The following BTBD9 variants were observed in gnomAD, a reference collection of about 807,000 sequenced individuals.
BTBD9 encodes the protein BTB/POZ domain-containing protein 9.
Under a neutral mutation model 64.3 loss-of-function variants are expected in BTBD9, and 49 were observed. The observed-to-expected ratio is 0.76, with a 90% confidence interval of 0.61 to 0.97. BTBD9 has a LOEUF of 0.97. Among genes scored for constraint, BTBD9 ranks in the 50% least tolerant of loss-of-function variants. The probability of loss-of-function intolerance (pLI) is 0.00; values close to 1 mark genes in which losing one functional copy is unlikely to be tolerated. For missense variants in BTBD9, 598 were observed against 762.1 expected, an observed-to-expected ratio of 0.78 and a Z score of 2.53; for synonymous variants, 260 against 274.7, an observed-to-expected ratio of 0.95 and a Z score of 0.53.
chr6:38,265,230 T>C lies in BTBD9; in HGVS notation c.1455-8714A>G, dbSNP rs181716597. 4.6e-5 allele frequency among the ~76,000 whole-genome samples: 7 copies of C among 152,224 alleles called. No individual in the cohort carries two copies. In the East Asian group the frequency reaches 5.8e-4, roughly 13 times the overall value. ...CAAAAATGTGAGGAGGTGGCAAGTA[T>C]ACATTTTGGCTCCACTGTGTAGGCT... On this transcript the variant is annotated intron_variant, in intron 8 of 10. Coordinates refer to ENST00000481247, the MANE Select transcript of BTBD9 (RefSeq NM_001099272.2).
intron 6 of BTBD9, among the ~76,000 whole-genome samples, chr6:38,394,507 T>A (rs987296316): frequency 4.6e-5 from 7 of 152,266 alleles, no homozygotes; most frequent in African/African-American, 1.7e-4. Flanking sequence ...AAAAGAAATT[T>A]TACAGATGCA....
intron 6 of BTBD9, among the ~76,000 whole-genome samples, chr6:38,395,946 T>C (rs1052307905): frequency 6.6e-6 from 1 of 152,174 alleles, no homozygotes; most frequent in Admixed American, 6.5e-5. Flanking sequence ...CCTGACCTCG[T>C]GATTCGCCCG....
chr6:38,417,444 T>C (rs188075032), intron 6 of BTBD9, among the ~76,000 whole-genome samples: 233 of 152,360 alleles, frequency 1.5e-3, no homozygotes, highest in African/African-American at 5.3e-3. Flanking sequence ...GGTAAGGCTT[T>C]GTCTTATTCA....
chr6:38,300,316 G>A (rs1762339710), intron 7 of BTBD9, among the ~76,000 whole-genome samples: 1 of 152,060 alleles, frequency 6.6e-6, no homozygotes, highest in Non-Finnish European at 1.5e-5. Flanking sequence ...TGTTCTTTAG[G>A]CTTAGGATTG....
chr6:38,448,602 G>A (rs1170198279), intron 6 of BTBD9, among the ~76,000 whole-genome samples: 1 of 152,086 alleles, frequency 6.6e-6, no homozygotes, highest in Admixed American at 6.5e-5. Flanking sequence ...ACTGCAACCT[G>A]CACCTCTTGG....
At chr6:38,606,948 T>C (rs1260016535) in intron 1 of BTBD9, among the ~76,000 whole-genome samples, 1 of 152,184 alleles carries the variant, frequency 6.6e-6, no homozygotes, top group East Asian at 1.9e-4. Flanking sequence ...AAATGTAAGA[T>C]ATCAGAAATG....
intron 1 of BTBD9, among the ~76,000 whole-genome samples, chr6:38,619,690 C>CT (rs1289011839): frequency 5.3e-5 from 8 of 152,208 alleles, no homozygotes; most frequent in Admixed American, 2.0e-4. Flanking sequence ...AGGAAATTGA[C>CT]TGTCTCCTGG....
chr6:38,185,043 G>A (rs546232361), intron 10 of BTBD9, among the ~76,000 whole-genome samples: 4 of 152,188 alleles, frequency 2.6e-5, no homozygotes, highest in East Asian at 1.9e-4. Flanking sequence ...AATAAGGAGC[G>A]GTGAGCCTGC....
At chr6:38,521,174 A>G (rs1252634569) in intron 6 of BTBD9, among the ~76,000 whole-genome samples, 1 of 152,022 alleles carries the variant, frequency 6.6e-6, no homozygotes, top group Admixed American at 6.5e-5. Flanking sequence ...ACACCACCTC[A>G]GTTCAAATCG....
At chr6:38,418,701 G>A (rs1363729676) in intron 6 of BTBD9, among the ~76,000 whole-genome samples, 4 of 152,120 alleles carry the variant, frequency 2.6e-5, no homozygotes, top group African/African-American at 7.2e-5. Context: ...CTGTGTATCC[G>A]TTTGTGTACT....
intron 6 of BTBD9, among the ~76,000 whole-genome samples, chr6:38,448,707 G>A (rs1013459963): frequency 1.3e-5 from 2 of 152,122 alleles, no homozygotes; most frequent in African/African-American, 4.8e-5. Context: ...TAGTAGAGAC[G>A]GGGTTTTGCC....
intron 6 of BTBD9, among the ~76,000 whole-genome samples, chr6:38,368,417 C>A (rs2294738): frequency 0.3 from 45,726 of 151,880 alleles, 7,225 homozygotes; most frequent in Non-Finnish European, 0.34. Flanking sequence ...TCACTGCAAC[C>A]TTTACCTCAC....
intron 1 of BTBD9, among the ~76,000 whole-genome samples, chr6:38,605,987 AAGC>A (rs2127506572): frequency 6.6e-6 from 1 of 152,296 alleles, no homozygotes. Flanking sequence ...GCCAGCATAA[AAGC>A]AGGAAGGGTA....
intron 6 of BTBD9, among the ~76,000 whole-genome samples, chr6:38,494,323 T>G (rs966332931): frequency 2.6e-5 from 4 of 152,174 alleles, no homozygotes; most frequent in Non-Finnish European, 4.4e-5. Context: ...CTCACCAAAT[T>G]AAAATTCTTC....
Position 38,169,021 on chromosome 6 carries a change from C to T in BTBD9, c.*5964G>A, listed in dbSNP as rs1234158783. 2.6e-5 allele frequency: 4 copies of T among 152,290 alleles called. No homozygotes were observed. Among genetic ancestry groups the T allele is most frequent in the Non-Finnish European group, 4.4e-5 (3 of 68,130 alleles). The allele number at this position is 152,290 out of a possible 1,614,324, so 9.4% of individuals were successfully genotyped here. ...TCTGAAGGTCACTGTGGAGGGCGCA[C>T]CAAGGCCTGGAGAGCCTTGGGGAGA... On this transcript the variant is annotated 3_prime_UTR_variant, in exon 11 of 11. Coordinates refer to ENST00000481247, the MANE Select transcript of BTBD9 (RefSeq NM_001099272.2).
chr6:38,260,730 T>C (rs1036617873), intron 8 of BTBD9, among the ~76,000 whole-genome samples: 7 of 152,342 alleles, frequency 4.6e-5, no homozygotes, highest in African/African-American at 1.7e-4. Flanking sequence ...CCAGTAACTT[T>C]TAAAACATAT....
At chr6:38,436,372 A>G (rs1320784979) in intron 6 of BTBD9, among the ~76,000 whole-genome samples, 1 of 118,318 alleles carries the variant, frequency 8.5e-6, no homozygotes, top group African/African-American at 3.3e-5. Flanking sequence ...CCCCAATTCT[A>G]TTTTTTTTTT....
intron 6 of BTBD9, among the ~76,000 whole-genome samples, chr6:38,516,899 A>G (rs564120267): frequency 2.6e-4 from 40 of 152,292 alleles, no homozygotes; most frequent in Non-Finnish European, 4.1e-4. Context: ...TCTGCCACCA[A>G]CTCAACACAA....
Position 38,605,322 on chromosome 6 carries a change from A to G in BTBD9, c.-27-7201T>C, listed in dbSNP as rs1367726656. Among the ~76,000 whole-genome samples the G allele has an allele frequency of 7.2e-5, 11 of 152,158 alleles. No individual in the cohort carries two copies. The East Asian group carries it at 2.1e-3, about 29-fold the overall frequency. ...TCAGCCTCCCAAAGTGCTTGGGATT[A>G]CAGGCGTGAACCACCATACCCAGCC... On this transcript the variant is annotated intron_variant, in intron 1 of 10. Coordinates refer to ENST00000481247, the MANE Select transcript of BTBD9 (RefSeq NM_001099272.2).
Sources: gnomAD v4.1 joint callset for allele counts (sites outside exome capture counted in the v4.1 genomes callset) on GRCh38, gnomAD v4.1.1 for gene constraint, MANE v1.5 for transcripts, NCBI Gene and HGNC (gene_info 2026-07-23, HGNC 2026-07-21) for gene names.